The following CNTN6 variants were observed in gnomAD, a reference collection of about 807,000 sequenced individuals.
CNTN6 encodes contactin 6.
A neutral mutation model predicts 122.8 loss-of-function variants in CNTN6; 137 were observed. That is an observed-to-expected ratio of 1.12 (90% CI 0.97 to 1.29). The LOEUF (loss-of-function observed/expected upper bound fraction) is 1.29, where lower values mean the gene tolerates loss of function less well. Ranked by LOEUF, CNTN6 falls within the 50% of genes most tolerant of loss-of-function variation. The probability of loss-of-function intolerance (pLI) is 0.00; values close to 1 mark genes in which losing one functional copy is unlikely to be tolerated. For missense variants in CNTN6, 1,634 were observed against 1,223.4 expected, an observed-to-expected ratio of 1.34 and a Z score of -5.01; for synonymous variants, 570 against 426.0, an observed-to-expected ratio of 1.34 and a Z score of -4.16.
chr3:1,204,201 T>C (rs1277576171), intron 2 of CNTN6, among the ~76,000 whole-genome samples: 2 of 152,202 alleles, frequency 1.3e-5, no homozygotes, highest in African/African-American at 4.8e-5. Context: ...CACACTCTTA[T>C]CTCAAAGAGG....
chr3:1,102,870 G>A (rs931443782), intron 1 of CNTN6, among the ~76,000 whole-genome samples: 1 of 151,024 alleles, frequency 6.6e-6, no homozygotes, highest in Non-Finnish European at 1.5e-5. Flanking sequence ...CACTTTTGGA[G>A]GCCGAGGCGG....
chr3:1,355,184 A>G (rs1706349942), intron 12 of CNTN6, among the ~76,000 whole-genome samples: 1 of 151,622 alleles, frequency 6.6e-6, no homozygotes, highest in Non-Finnish European at 1.5e-5. Flanking sequence ...CTTCTTTGTC[A>G]TTAACAAGAA....
chr3:1,320,796 C>T (rs1048805341), intron 7 of CNTN6, among the ~76,000 whole-genome samples: 4 of 151,592 alleles, frequency 2.6e-5, no homozygotes, highest in African/African-American at 9.7e-5. Flanking sequence ...CCTTCTAAAC[C>T]ATTAATTTCT....
chr3:1,330,497 A>G (rs925582033), intron 11 of CNTN6, among the ~76,000 whole-genome samples: 17 of 151,926 alleles, frequency 1.1e-4, no homozygotes, highest in Admixed American at 1.1e-3. Context: ...AAACAAAAAA[A>G]AAGACGGGTG....
intron 2 of CNTN6, among the ~76,000 whole-genome samples, chr3:1,179,069 A>G (rs1357597063): frequency 1.3e-5 from 2 of 152,136 alleles, no homozygotes; most frequent in African/African-American, 4.8e-5. Context: ...TTCCACTCAT[A>G]GGGGAAGGCA....
At chr3:1,175,070 C>CA (rs1310539272) in intron 2 of CNTN6, among the ~76,000 whole-genome samples, 1 of 151,470 alleles carries the variant, frequency 6.6e-6, no homozygotes, top group East Asian at 1.9e-4. Flanking sequence ...ACCCCATCTA[C>CA]AAAAAACACA....
intron 2 of CNTN6, among the ~76,000 whole-genome samples, chr3:1,219,416 A>G (rs1333533331): frequency 6.6e-6 from 1 of 152,086 alleles, no homozygotes; most frequent in African/African-American, 2.4e-5. Context: ...AGGGCAAGAC[A>G]ATGGGATCAG....
intron 1 of CNTN6, among the ~76,000 whole-genome samples, chr3:1,127,223 C>T (rs569407841): frequency 6.6e-6 from 1 of 151,810 alleles, no homozygotes; most frequent in South Asian, 2.1e-4. Flanking sequence ...CACATTCTAG[C>T]ACAGTTTAAT....
At chr3:1,266,148 G>A (rs1285307303) in intron 4 of CNTN6, among the ~76,000 whole-genome samples, 2 of 151,674 alleles carry the variant, frequency 1.3e-5, no homozygotes, top group African/African-American at 2.4e-5. Context: ...TGACAGAAAT[G>A]AAAATGCTTT....
At chr3:1,325,670 A>C (rs1253585970) in intron 8 of CNTN6, 145 bp from the exon 9 acceptor site, 1 of 664,610 alleles carries the variant, frequency 1.5e-6, no homozygotes, top group Non-Finnish European at 2.4e-6. Flanking sequence ...AAGCTCCTGC[A>C]TGTCCCCTCC....
intron 2 of CNTN6, among the ~76,000 whole-genome samples, chr3:1,192,113 T>G (rs2093710474): frequency 6.6e-6 from 1 of 152,176 alleles, no homozygotes; most frequent in African/African-American, 2.4e-5. Flanking sequence ...TTATCTCCTG[T>G]TAGAAGTCTC....
chr3:1,402,877 C>G (rs1695906000), intron 22 of CNTN6: 1 of 192,540 alleles, frequency 5.2e-6, no homozygotes, highest in African/African-American at 2.4e-5. Flanking sequence ...GCAGACATCA[C>G]TAATCAAGTG....
At chr3:1,116,159 C>T (rs1221890323) in intron 1 of CNTN6, among the ~76,000 whole-genome samples, 1 of 152,002 alleles carries the variant, frequency 6.6e-6, no homozygotes. Flanking sequence ...AAGCTAAAGA[C>T]AAGGAGTGTA....
At chr3:1,106,931 G>A (rs2091253124) in intron 1 of CNTN6, among the ~76,000 whole-genome samples, 1 of 152,028 alleles carries the variant, frequency 6.6e-6, no homozygotes, top group African/African-American at 2.4e-5. Context: ...ATTAGTTGGG[G>A]CTCTTCAGAG....
intron 12 of CNTN6, among the ~76,000 whole-genome samples, chr3:1,366,065 C>A (rs977744696): frequency 3.3e-5 from 5 of 152,074 alleles, no homozygotes; most frequent in African/African-American, 9.7e-5. Flanking sequence ...AGGACGTATT[C>A]AAGGTCTAGA....
At position 1,259,398 on chromosome 3, in the gene CNTN6, G is replaced by T. The variant is rs528691535; in HGVS notation, c.359-19015G>T. Among the ~76,000 whole-genome samples, 4 of 152,092 alleles carry T rather than the reference G, an allele frequency of 2.6e-5. No individual in the cohort carries two copies. In the East Asian group the frequency reaches 7.7e-4, roughly 29 times the overall value. Reference sequence around the variant, plus strand: ...TGCAAATGCTGTGAAAATCCATTTTGTTAAGATATTTTTGTCTAAGTAAGT... The same window carrying T: ...TGCAAATGCTGTGAAAATCCATTTTTTTAAGATATTTTTGTCTAAGTAAGT... On this transcript the variant is annotated intron_variant, in intron 4 of 22. Coordinates refer to ENST00000446702, the MANE Select transcript of CNTN6 (RefSeq NM_001289080.2).
intron 1 of CNTN6, among the ~76,000 whole-genome samples, chr3:1,130,521 G>A (rs2092308798): frequency 6.6e-6 from 1 of 152,094 alleles, no homozygotes; most frequent in Non-Finnish European, 1.5e-5. Flanking sequence ...GAGTTCCTGA[G>A]CATTGTTCTG....
chr3:1,240,572 G>A (rs1289173262), intron 4 of CNTN6, among the ~76,000 whole-genome samples: 1 of 152,154 alleles, frequency 6.6e-6, no homozygotes, highest in African/African-American at 2.4e-5. Context: ...TACACTGTTG[G>A]TGGGAATGTA....
At chr3:1,245,387 G>A (rs1426622852) in intron 4 of CNTN6, among the ~76,000 whole-genome samples, 2 of 129,262 alleles carry the variant, frequency 1.5e-5, no homozygotes, top group African/African-American at 2.8e-5. Flanking sequence ...GGCATTCACA[G>A]CAACCTAGAT....
Sources: allele counts gnomAD v4.1 joint callset (sites outside exome capture counted in the v4.1 genomes callset), GRCh38; gene constraint gnomAD v4.1.1; transcripts MANE v1.5; gene names NCBI Gene and HGNC (gene_info 2026-07-23, HGNC 2026-07-21).